ADK: variants seen among roughly 807,000 people sequenced by gnomAD.
ADK encodes the protein adenosine kinase.
ADK carries 24 observed loss-of-function variants against 44.7 expected under a neutral mutation model. The ratio of observed to expected loss-of-function variants is 0.54; its 90% CI spans 0.39 to 0.76. The LOEUF (loss-of-function observed/expected upper bound fraction) is 0.76, where lower values mean the gene tolerates loss of function less well. ADK is among the 30% of genes least tolerant of loss of function. The pLI is 0.00. For synonymous variants in ADK, 128 were observed against 142.6 expected, an observed-to-expected ratio of 0.90 and a Z score of 0.73; for missense variants, 321 against 425.1, an observed-to-expected ratio of 0.76 and a Z score of 2.15.
At chr10:74,480,226 CT>C (rs1554865928) in intron 6 of ADK, among the ~76,000 whole-genome samples, 63 of 133,104 alleles carry the variant, frequency 4.7e-4, no homozygotes, top group African/African-American at 5.8e-4. Context: ...TTCTTTCTTT[CT>C]TTTTTTTTTT....
intron 8 of ADK, among the ~76,000 whole-genome samples, chr10:74,598,515 T>C (rs1385722008): frequency 6.8e-6 from 1 of 146,800 alleles, no homozygotes; most frequent in Non-Finnish European, 1.5e-5. Context: ...AGTGGCATGA[T>C]CTCTGCACAC....
intron 3 of ADK, among the ~76,000 whole-genome samples, chr10:74,235,190 A>ATT (rs113407499): frequency 9.1e-6 from 1 of 110,166 alleles, no homozygotes; most frequent in Non-Finnish European, 1.9e-5. Flanking sequence ...TTCATAAGGG[A>ATT]TTTTTTTTTT....
At chr10:74,497,443 T>A (rs1847731610) in intron 6 of ADK, among the ~76,000 whole-genome samples, 1 of 152,214 alleles carries the variant, frequency 6.6e-6, no homozygotes, top group Non-Finnish European at 1.5e-5. Flanking sequence ...CTCAATTTAT[T>A]TTAACTTTAT....
intron 6 of ADK, among the ~76,000 whole-genome samples, chr10:74,490,690 G>A (rs531930695): frequency 9.9e-5 from 15 of 152,210 alleles, no homozygotes; most frequent in East Asian, 7.7e-4. Context: ...AATACCGTTC[G>A]TCTCTGCCTG....
intron 5 of ADK, among the ~76,000 whole-genome samples, chr10:74,396,203 T>G (rs754335527): frequency 5.9e-5 from 9 of 152,226 alleles, no homozygotes; most frequent in Non-Finnish European, 1.3e-4. Flanking sequence ...ATCAATTGTT[T>G]TGGATAGGTC....
At chr10:74,226,705 A>G (rs1314539159) in intron 3 of ADK, among the ~76,000 whole-genome samples, 2 of 151,678 alleles carry the variant, frequency 1.3e-5, no homozygotes, top group Admixed American at 6.6e-5. Context: ...TATATGTCCT[A>G]TTTTGTATAA....
At chr10:74,550,017 G>C (rs1165380837) in intron 7 of ADK, among the ~76,000 whole-genome samples, 1 of 151,838 alleles carries the variant, frequency 6.6e-6, no homozygotes, top group Admixed American at 6.6e-5. Context: ...ATGATTTGCA[G>C]TCAGGGAGCT....
At chr10:74,693,125 G>T (rs572180515) in intron 10 of ADK, among the ~76,000 whole-genome samples, 1 of 152,256 alleles carries the variant, frequency 6.6e-6, no homozygotes, top group South Asian at 2.1e-4. Flanking sequence ...AACACAAAGT[G>T]TAAGCCCTAA....
chr10:74,580,561 G>A (rs1337097177), intron 7 of ADK, among the ~76,000 whole-genome samples: 1 of 144,916 alleles, frequency 6.9e-6, no homozygotes, highest in Non-Finnish European at 1.5e-5. Context: ...GGCAACAAGA[G>A]CAAAACTCCA....
At chr10:74,186,222 CTTCCCCTCCT>C (rs1298856663) in intron 1 of ADK, among the ~76,000 whole-genome samples, 3 of 40,296 alleles carry the variant, frequency 7.4e-5, no homozygotes, top group Admixed American at 5.8e-4. Context: ...CTTCCTTTCC[CTTCCCCTCCT>C]TTCCCTTCCC....
chr10:74,162,020 A>G (rs753303905), intron 1 of ADK, among the ~76,000 whole-genome samples: 6 of 151,338 alleles, frequency 4.0e-5, no homozygotes, highest in Non-Finnish European at 7.4e-5. Context: ...CCCTTTAAAG[A>G]TTTTTTTGTT....
intron 4 of ADK, among the ~76,000 whole-genome samples, chr10:74,340,495 A>G (rs1449455288): frequency 2.0e-5 from 3 of 152,212 alleles, no homozygotes; most frequent in African/African-American, 7.2e-5. Flanking sequence ...ACTTGTAAGC[A>G]AGTAGAAATT....
At chr10:74,189,405 C>T (rs957606181) in intron 1 of ADK, among the ~76,000 whole-genome samples, 1 of 152,026 alleles carries the variant, frequency 6.6e-6, no homozygotes, top group Non-Finnish European at 1.5e-5. Flanking sequence ...TAAGGCCTAC[C>T]CTGTGGTGGT....
intron 4 of ADK, among the ~76,000 whole-genome samples, chr10:74,352,789 C>T (rs887436950): frequency 6.6e-5 from 10 of 152,080 alleles, no homozygotes; most frequent in East Asian, 5.8e-4. Context: ...CAAAAGAAGA[C>T]GTGCAACCAA....
intron 6 of ADK, among the ~76,000 whole-genome samples, chr10:74,486,132 G>A (rs536117430): frequency 6.6e-6 from 1 of 152,242 alleles, no homozygotes; most frequent in Non-Finnish European, 1.5e-5. Context: ...CATGGGGGCG[G>A]TATCCTTCAG....
At chr10:74,313,928 GC>G (rs1260879719) in intron 3 of ADK, among the ~76,000 whole-genome samples, 1 of 151,082 alleles carries the variant, frequency 6.6e-6, no homozygotes, top group Non-Finnish European at 1.5e-5. Context: ...TATTTTGATT[GC>G]TCAGGTAATC....
chr10:74,172,104 C>CT (rs1842175750), intron 1 of ADK, among the ~76,000 whole-genome samples: 1 of 143,986 alleles, frequency 6.9e-6, no homozygotes, highest in Admixed American at 6.9e-5. Flanking sequence ...TAATAAAAAA[C>CT]TTTTTTTTCA....
intron 7 of ADK, among the ~76,000 whole-genome samples, chr10:74,555,083 G>A (rs946376580): frequency 2.0e-5 from 3 of 152,140 alleles, no homozygotes; most frequent in African/African-American, 7.2e-5. Context: ...GATCACTTGA[G>A]CCCAGGAGTT....
At chr10:74,373,939 A>G (rs1485586630) in intron 4 of ADK, among the ~76,000 whole-genome samples, 2 of 152,212 alleles carry the variant, frequency 1.3e-5, no homozygotes, top group Non-Finnish European at 2.9e-5. Flanking sequence ...GCAATAGAAT[A>G]TTATTTGACA....
Sources: gnomAD v4.1 joint callset for allele counts (sites outside exome capture counted in the v4.1 genomes callset) on GRCh38, gnomAD v4.1.1 for gene constraint, MANE v1.5 for transcripts, NCBI Gene and HGNC (gene_info 2026-07-23, HGNC 2026-07-21) for gene names.